The following IL20RB variants were observed in gnomAD, a reference collection of about 807,000 sequenced individuals.
IL20RB encodes interleukin-20 receptor subunit beta.
A neutral mutation model predicts 33.3 loss-of-function variants in IL20RB; 21 were observed. The ratio of observed to expected loss-of-function variants is 0.63; its 90% CI spans 0.45 to 0.91. IL20RB has a LOEUF of 0.91. Among genes scored for constraint, IL20RB ranks in the 40% least tolerant of loss-of-function variants. The probability of loss-of-function intolerance (pLI) is 0.00; values close to 1 mark genes in which losing one functional copy is unlikely to be tolerated. For missense variants in IL20RB, 345 were observed against 384.8 expected (o/e 0.90, Z 0.86); for synonymous variants, 147 against 146.8 (o/e 1.00, Z -0.01).
chr3:136,982,022 T>C (rs1941787482), intron 2 of IL20RB, 138 bp from the exon 3 acceptor site: 2 of 506,462 alleles, frequency 3.9e-6, no homozygotes. Context: ...GGGAGGAGAG[T>C]GGAGGAGCTA....
intron 6 of IL20RB, among the ~76,000 whole-genome samples, chr3:137,009,520 GGAA>G (rs1933028920): frequency 6.6e-6 from 1 of 152,084 alleles, no homozygotes; most frequent in African/African-American, 2.4e-5. Context: ...GCTCTGTGGT[GGAA>G]GAAGGTTAGG....
intron 2 of IL20RB, among the ~76,000 whole-genome samples, chr3:136,981,728 GCCAAAGCATCTTGTAAGA>G (rs1362550684): frequency 6.6e-6 from 1 of 152,196 alleles, no homozygotes; most frequent in African/African-American, 2.4e-5. Flanking sequence ...GAGAGAGAAG[GCCAAAGCATCTTGTAAGA>G]CCACTGGCAA....
At chr3:136,963,668 A>T in intron 1 of IL20RB, among the ~76,000 whole-genome samples, 1 of 139,982 alleles carries the variant, frequency 7.1e-6, no homozygotes, top group African/African-American at 2.7e-5. Flanking sequence ...TGTGTTCTAG[A>T]TACTAGTTCT....
At chr3:136,970,522 A>G (rs1317566726) in intron 1 of IL20RB, among the ~76,000 whole-genome samples, 1 of 152,206 alleles carries the variant, frequency 6.6e-6, no homozygotes, top group Non-Finnish European at 1.5e-5. Context: ...TCCTTTGCCA[A>G]TACAATATAG....
At chr3:136,958,300 T>C (rs886943286) in intron 1 of IL20RB, 99 bp downstream of exon 1, 1 of 688,858 alleles carries the variant, frequency 1.5e-6, no homozygotes, top group African/African-American at 1.8e-5. Flanking sequence ...AATATGTGTA[T>C]AGAATATCGT....
chr3:136,982,865 T>C (rs1253295318), intron 3 of IL20RB, among the ~76,000 whole-genome samples: 1 of 152,126 alleles, frequency 6.6e-6, no homozygotes, highest in African/African-American at 2.4e-5. Flanking sequence ...GGAAAAGGAT[T>C]GAGAAAGAAG....
intron 1 of IL20RB, among the ~76,000 whole-genome samples, chr3:136,970,389 C>T (rs116536823): frequency 1.3e-5 from 2 of 152,056 alleles, no homozygotes; most frequent in South Asian, 4.1e-4. Flanking sequence ...GTTGCCATGC[C>T]AGGCCTAAAA....
At chr3:137,000,777 G>A (rs968993605) in intron 6 of IL20RB, among the ~76,000 whole-genome samples, 42 of 152,146 alleles carry the variant, frequency 2.8e-4, no homozygotes, top group African/African-American at 9.7e-4. Flanking sequence ...TCCTCAGCTG[G>A]GCTCCATCAG....
At chr3:136,958,825 T>C (rs963942473) in intron 1 of IL20RB, among the ~76,000 whole-genome samples, 1 of 152,202 alleles carries the variant, frequency 6.6e-6, no homozygotes, top group Non-Finnish European at 1.5e-5. Context: ...TGTTTGTTCA[T>C]GTCAAATCAC....
intron 1 of IL20RB, among the ~76,000 whole-genome samples, chr3:136,958,951 CTG>C (rs62670460): frequency 0.46 from 69,721 of 150,762 alleles, 16,524 homozygotes; most frequent in East Asian, 0.7. Flanking sequence ...GTCTCACTCT[CTG>C]TGTGTGTGTG....
At chr3:136,995,064 C>T (rs927056078) in intron 5 of IL20RB, among the ~76,000 whole-genome samples, 1 of 152,234 alleles carries the variant, frequency 6.6e-6, no homozygotes, top group African/African-American at 2.4e-5. Context: ...ATACCTCCCC[C>T]TCATCCTGCC....
chr3:136,985,098 C>T (rs1941868950), intron 3 of IL20RB, among the ~76,000 whole-genome samples: 1 of 152,144 alleles, frequency 6.6e-6, no homozygotes, highest in Non-Finnish European at 1.5e-5. Flanking sequence ...CCTGTATAAA[C>T]AGGAAAAGAG....
At chr3:136,980,367 C>T (rs1463934897) in intron 1 of IL20RB, 99 bp from the exon 2 acceptor site, 2 of 1,435,592 alleles carry the variant, frequency 1.4e-6, no homozygotes, top group African/African-American at 1.4e-5. Flanking sequence ...CTTACTGCAA[C>T]CTCCGCCAGT....
intron 4 of IL20RB, 119 bp downstream of exon 4, chr3:136,989,684 G>A (rs1384516711): frequency 2.8e-5 from 32 of 1,134,724 alleles, no homozygotes; most frequent in Admixed American, 2.1e-5. Flanking sequence ...GCAGTCCTGG[G>A]TGAAGTGTGC....
At chr3:137,000,014 T>C (rs1167711814) in intron 6 of IL20RB, among the ~76,000 whole-genome samples, 1 of 152,216 alleles carries the variant, frequency 6.6e-6, no homozygotes, top group Non-Finnish European at 1.5e-5. Flanking sequence ...CGTTTTTTAT[T>C]TGGTGTAGGT....
chr3:136,989,758 A>G (rs529798326), intron 4 of IL20RB, among the ~76,000 whole-genome samples, 193 bp downstream of exon 4: 3 of 152,272 alleles, frequency 2.0e-5, no homozygotes, highest in South Asian at 4.1e-4. Flanking sequence ...GGTCCATTCA[A>G]TCATGCCTTG....
rs1941794487 is a variant in IL20RB at position 136,982,283 on chromosome 3, C to T, written c.339C>T (p.Val113=). ...ITATVPYNLR[V]RATLGSQTSA... The stretch of plus-strand genomic sequence containing the variant: ...CCACTGTGCCATACAACCTTCGTGT[C>T]AGGGCCACATTGGGCTCACAGACCT... Residue 113 remains valine, a synonymous_variant, in exon 3 of 7, where the codon GTC becomes GTT. Coordinates refer to ENST00000329582, the MANE Select transcript of IL20RB (RefSeq NM_144717.4). 2 of 1,611,126 alleles carry T rather than the reference C, an allele frequency of 1.2e-6. No homozygotes were observed. The highest frequency in any genetic ancestry group is 1.3e-5 in the African/African-American group (1 of 75,008).
chr3:136,963,676 TC>T (rs1941290706), intron 1 of IL20RB, among the ~76,000 whole-genome samples: 2 of 93,002 alleles, frequency 2.2e-5, no homozygotes, highest in African/African-American at 4.5e-5. Flanking sequence ...AGATACTAGT[TC>T]TTTTTTTTTT....
At chr3:136,983,328 T>C (rs1317123169) in intron 3 of IL20RB, among the ~76,000 whole-genome samples, 1 of 152,200 alleles carries the variant, frequency 6.6e-6, no homozygotes, top group African/African-American at 2.4e-5. Context: ...CCTCAAGTCA[T>C]CTGCCCACTT....
Sources: allele counts gnomAD v4.1 joint callset (sites outside exome capture counted in the v4.1 genomes callset), GRCh38; gene constraint gnomAD v4.1.1; transcripts MANE v1.5; gene names NCBI Gene and HGNC (gene_info 2026-07-23, HGNC 2026-07-21).